Variants in ADAMTS17 observed in about 807,000 individuals in gnomAD.
ADAMTS17 encodes A disintegrin and metalloproteinase with thrombospondin motifs 17.
A neutral mutation model predicts 141.5 loss-of-function variants in ADAMTS17; 113 were observed. That is an observed-to-expected ratio of 0.80 (90% CI 0.69 to 0.93). ADAMTS17 has a LOEUF of 0.93. Ranked by LOEUF, ADAMTS17 falls within the 40% of genes least tolerant of loss-of-function variation. ADAMTS17 has a pLI of 0.00. For synonymous variants in ADAMTS17, 768 were observed against 630.6 expected (o/e 1.22, Z -3.27); for missense variants, 1,659 against 1,517.9 (o/e 1.09, Z -1.54).
chr15:100,320,910 C>A (rs2045714620), intron 3 of ADAMTS17, among the ~76,000 whole-genome samples: 1 of 152,080 alleles, frequency 6.6e-6, no homozygotes, highest in African/African-American at 2.4e-5. Flanking sequence ...CATTTGCAAA[C>A]CCTCATTTAA....
chr15:100,295,137 T>C (rs556664272), intron 3 of ADAMTS17, among the ~76,000 whole-genome samples: 1 of 152,310 alleles, frequency 6.6e-6, no homozygotes, highest in African/African-American at 2.4e-5. Flanking sequence ...GCATGGGATA[T>C]AATCAAAATA....
chr15:99,999,892 A>T (rs1236126356), intron 18 of ADAMTS17, among the ~76,000 whole-genome samples: 1 of 151,970 alleles, frequency 6.6e-6, no homozygotes, highest in Non-Finnish European at 1.5e-5. Flanking sequence ...GTCCCAGAGC[A>T]CCTCCTCTGG....
At chr15:100,046,260 T>A (rs2031675418) in intron 18 of ADAMTS17, among the ~76,000 whole-genome samples, 1 of 152,162 alleles carries the variant, frequency 6.6e-6, no homozygotes, top group Admixed American at 6.5e-5. Flanking sequence ...GCTGGTCCAA[T>A]ATAAGCTACT....
intron 13 of ADAMTS17, among the ~76,000 whole-genome samples, chr15:100,115,365 G>T (rs1376935869): frequency 1.3e-5 from 2 of 152,156 alleles, no homozygotes; most frequent in African/African-American, 2.4e-5. Flanking sequence ...AAAATTCAGG[G>T]TGCAAAGGCC....
Position 100,053,833 on chromosome 15 carries a change from A to G in ADAMTS17, c.2295+64T>C, listed in dbSNP as rs2032332320. 3 of 1,613,400 alleles carry G rather than the reference A, an allele frequency of 1.9e-6. No homozygotes were observed. In the South Asian group the frequency reaches 3.3e-5, roughly 18 times the overall value. Reference sequence around the variant, plus strand: ...GGTCCCAGGCAGAAGTAAACTGGAAAGTAACCTAGTAGACCTCTCGGAGCC... The same window carrying G: ...GGTCCCAGGCAGAAGTAAACTGGAAGGTAACCTAGTAGACCTCTCGGAGCC... On this transcript the variant is annotated intron_variant, in intron 16 of 21. Transcript: ENST00000268070.
chr15:100,263,427 A>T (rs1478638514), intron 4 of ADAMTS17, among the ~76,000 whole-genome samples: 2 of 152,210 alleles, frequency 1.3e-5, no homozygotes, highest in African/African-American at 2.4e-5. Flanking sequence ...TTTGTCACTG[A>T]AATAAATTGC....
intron 18 of ADAMTS17, among the ~76,000 whole-genome samples, chr15:100,040,184 G>T (rs1310966712): frequency 6.6e-6 from 1 of 152,140 alleles, no homozygotes; most frequent in African/African-American, 2.4e-5. Flanking sequence ...AGACCCCAAG[G>T]GGAAAGGGCC....
chr15:100,091,331 A>T (rs576247992), intron 15 of ADAMTS17, among the ~76,000 whole-genome samples: 1 of 152,286 alleles, frequency 6.6e-6, no homozygotes, highest in African/African-American at 2.4e-5. Context: ...GTAGATTCAC[A>T]TTTTAGGTAA....
At position 99,972,878 on chromosome 15, in the gene ADAMTS17, AAAACACAG is replaced by A. The variant is rs1410866470; in HGVS notation, c.*1516_*1523del. ...CTACGGTTGTGACATGTAACAAAAC[AAAACACAG>A]AAACACAGCACCAATAAATCAAGAA... On this transcript the variant is annotated 3_prime_UTR_variant, in exon 22 of 22. Coordinates refer to ENST00000268070, the MANE Select transcript of ADAMTS17 (RefSeq NM_139057.4). 2.0e-5 allele frequency: 3 copies of A among 152,250 alleles called. No homozygotes were observed. The highest frequency in any genetic ancestry group is 4.8e-5 in the African/African-American group (2 of 41,466). 9.4% of individuals were successfully genotyped at this position (152,250 alleles called of 1,614,324 possible).
intron 10 of ADAMTS17, among the ~76,000 whole-genome samples, chr15:100,149,155 G>A (rs577184630): frequency 8.5e-5 from 13 of 152,340 alleles, no homozygotes; most frequent in African/African-American, 2.2e-4. Context: ...CAGGGAAGGC[G>A]CAGACTGTTG....
At chr15:100,139,687 A>G (rs1229517365) in intron 10 of ADAMTS17, among the ~76,000 whole-genome samples, 1 of 152,264 alleles carries the variant, frequency 6.6e-6, no homozygotes, top group Non-Finnish European at 1.5e-5. Flanking sequence ...CCTCTGTGGT[A>G]TCCTTCCCAA....
intron 15 of ADAMTS17, among the ~76,000 whole-genome samples, chr15:100,081,742 ATCT>A (rs2034751409): frequency 6.6e-6 from 1 of 152,236 alleles, no homozygotes; most frequent in African/African-American, 2.4e-5. Context: ...GACAAAATCA[ATCT>A]TCTTAGTATT....
At chr15:100,107,983 C>T (rs543447618) in intron 14 of ADAMTS17, among the ~76,000 whole-genome samples, 1 of 152,232 alleles carries the variant, frequency 6.6e-6, no homozygotes, top group East Asian at 1.9e-4. Context: ...CTTCGACACC[C>T]ACTCCCCATC....
Position 100,341,860 on chromosome 15 carries a change from C to G in ADAMTS17, c.40G>C (p.Val14Leu), listed in dbSNP as rs757837581. 1 of 1,553,080 alleles carries G rather than the reference C, an allele frequency of 6.4e-7. No individual in the cohort carries two copies. Among genetic ancestry groups the G allele is most frequent in the Non-Finnish European group, 8.7e-7 (1 of 1,148,328 alleles). Residue 14 changes from valine (V) to leucine (L), a missense_variant, in exon 1 of 22, where the codon GTG (valine) becomes CTG (leucine). Physicochemically the swap from Val to Leu is conservative, Grantham distance 32 (BLOSUM62 1). Coordinates refer to ENST00000268070, the MANE Select transcript of ADAMTS17 (RefSeq NM_139057.4). Reference sequence around the variant, plus strand: ...AGTCCCCAAACCAGCAGCAGCAGCACGGGCAGGACGAGCGGAGGCAGCAGG... The same window carrying G: ...AGTCCCCAAACCAGCAGCAGCAGCAGGGGCAGGACGAGCGGAGGCAGCAGG... ...GALLPPLVLP[V>L]LLLLVWGLDP...
intron 3 of ADAMTS17, among the ~76,000 whole-genome samples, chr15:100,321,521 C>G (rs1567534393): frequency 6.6e-6 from 1 of 152,124 alleles, no homozygotes; most frequent in African/African-American, 2.4e-5. Flanking sequence ...AAACATCAAG[C>G]AAACATTTAC....
intron 18 of ADAMTS17, among the ~76,000 whole-genome samples, chr15:100,030,964 T>C (rs1194514810): frequency 1.3e-5 from 2 of 152,218 alleles, no homozygotes; most frequent in African/African-American, 2.4e-5. Flanking sequence ...ATCATCGATA[T>C]AGTTTTGTAG....
intron 8 of ADAMTS17, among the ~76,000 whole-genome samples, chr15:100,166,739 G>T (rs2039965783): frequency 1.3e-5 from 2 of 152,306 alleles, no homozygotes; most frequent in African/African-American, 4.8e-5. Context: ...CTATTCAAAG[G>T]TTTCCAATCT....
chr15:100,205,649 C>T (rs1055927162), intron 7 of ADAMTS17, among the ~76,000 whole-genome samples: 1 of 152,168 alleles, frequency 6.6e-6, no homozygotes, highest in East Asian at 1.9e-4. Flanking sequence ...AGGTTCACCT[C>T]AGGACATCAG....
chr15:99,989,205 G>T (rs1030737551), intron 20 of ADAMTS17, among the ~76,000 whole-genome samples: 1 of 152,174 alleles, frequency 6.6e-6, no homozygotes, highest in East Asian at 1.9e-4. Flanking sequence ...GTGCAGCAGG[G>T]GTGACAACCT....
Sources: allele counts gnomAD v4.1 joint callset (sites outside exome capture counted in the v4.1 genomes callset), GRCh38; gene constraint gnomAD v4.1.1; transcripts MANE v1.5; gene names NCBI Gene and HGNC (gene_info 2026-07-23, HGNC 2026-07-21).